Variants in WNT6 observed in about 807,000 individuals in gnomAD.
WNT6 encodes the protein Wnt family member 6, also known as protein Wnt-6.
Under a neutral mutation model 33.1 loss-of-function variants are expected in WNT6, and 27 were observed. That is an observed-to-expected ratio of 0.82 (90% CI 0.60 to 1.12). The LOEUF is 1.12. WNT6 is among the 50% of genes most tolerant of loss of function. The pLI, the probability that WNT6 is intolerant of heterozygous loss-of-function variation, is 0.00. For synonymous variants in WNT6, 249 were observed against 242.8 expected, an observed-to-expected ratio of 1.03 and a Z score of -0.24; for missense variants, 494 against 535.3, an observed-to-expected ratio of 0.92 and a Z score of 0.76.
intron 1 of WNT6, among the ~76,000 whole-genome samples, chr2:218,861,015 T>C (rs898446892): frequency 1.3e-5 from 2 of 152,168 alleles, no homozygotes; most frequent in Non-Finnish European, 2.9e-5. Flanking sequence ...GCTCAGTGTT[T>C]AGAGAGGAGA....
In WNT6 at chr2:218,873,870, C is replaced by G. The variant is rs752487888; in HGVS notation, c.*25C>G. On this transcript the variant is annotated 3_prime_UTR_variant, in exon 4 of 4. Transcript: ENST00000233948. This position sits in a 1 kb window ranked among gnomAD's most constrained non-coding sequence, Gnocchi z 6.1. ...ACCCGCCGCCCGGCCGCTAGACTGA[C>G]TTCGCGCAGCGGTGGCTCGCACCTG... is the stretch of plus-strand genomic sequence containing the variant. The G allele has an allele frequency of 7.0e-7, 1 of 1,426,292 alleles. No individual in the cohort carries two copies. The highest frequency in any genetic ancestry group is 9.1e-7 in the Non-Finnish European group (1 of 1,095,294). The allele number at this position is 1,426,292 out of a possible 1,614,324, so 88.4% of individuals were successfully genotyped here. A position where few individuals can be genotyped will look rare whatever the true frequency, so the allele number is the denominator to read the frequency against.
chr2:218,865,508 TCAC>T (rs1243067499), intron 1 of WNT6, among the ~76,000 whole-genome samples: 1 of 152,172 alleles, frequency 6.6e-6, no homozygotes, highest in Non-Finnish European at 1.5e-5. Flanking sequence ...TCCAATATTT[TCAC>T]TTACATGTGA....
intron 1 of WNT6, among the ~76,000 whole-genome samples, chr2:218,863,052 C>T (rs1365642586): frequency 6.6e-6 from 1 of 152,170 alleles, no homozygotes; most frequent in East Asian, 1.9e-4. Context: ...GCCCAGATCC[C>T]CTTCCCCTGG....
chr2:218,868,407 G>T (rs773774421), intron 1 of WNT6, among the ~76,000 whole-genome samples: 15 of 152,144 alleles, frequency 9.9e-5, no homozygotes, highest in Non-Finnish European at 2.2e-4. Flanking sequence ...GGAAGATAAG[G>T]CCAGGCAACC....
In WNT6 at chr2:218,873,871, T is replaced by A; in HGVS notation, c.*26T>A. On this transcript the variant is annotated 3_prime_UTR_variant, in exon 4 of 4. Transcript: ENST00000233948. This position sits in a 1 kb window ranked among gnomAD's most constrained non-coding sequence, Gnocchi z 6.1. ...CCCGCCGCCCGGCCGCTAGACTGAC[T>A]TCGCGCAGCGGTGGCTCGCACCTGT... is the stretch of plus-strand genomic sequence containing the variant. The A allele has an allele frequency of 8.4e-6, 12 of 1,426,182 alleles. No homozygotes were observed. Among genetic ancestry groups the A allele is most frequent in the Non-Finnish European group, 1.1e-5 (12 of 1,095,090 alleles). The allele number at this position is 1,426,182 out of a possible 1,614,324, so 88.3% of individuals were successfully genotyped here.
rs761039722 is a variant in WNT6 at position 218,871,184 on chromosome 2, T to C, written c.238T>C (p.Phe80Leu). The C allele has an allele frequency of 2.5e-6, 4 of 1,613,594 alleles. No homozygotes were observed. In the South Asian group the frequency reaches 4.4e-5, roughly 18 times the overall value. ...RLGVRECQFQ[F>L]RFRRWNCSSH... ...CGGGGTGCGAGAGTGCCAGTTCCAG[T>C]TCCGCTTCCGCCGCTGGAATTGCTC... Residue 80 changes from phenylalanine (F) to leucine (L), a missense_variant, in exon 2 of 4, where the codon TTC (phenylalanine) becomes CTC (leucine). By Grantham distance (22) the Phe-to-Leu change is conservative. Coordinates refer to ENST00000233948, the MANE Select transcript of WNT6 (RefSeq NM_006522.4). The surrounding 1 kb of genome is among the most constrained non-coding windows in gnomAD (Gnocchi z 6.4).
At chr2:218,869,559 C>T (rs900710741) in intron 1 of WNT6, among the ~76,000 whole-genome samples, 3 of 152,140 alleles carry the variant, frequency 2.0e-5, no homozygotes, top group Admixed American at 1.3e-4. Flanking sequence ...CTCCTGGGAC[C>T]CCTACCCCCA....
Position 218,871,760 on chromosome 2 carries a change from C to G in WNT6, c.577C>G (p.Arg193Gly). 1 of 1,602,762 alleles carries G rather than the reference C, an allele frequency of 6.2e-7. No homozygotes were observed. The highest frequency in any genetic ancestry group is 1.1e-5 in the South Asian group (1 of 90,428). ...SRLFMDARHK[R>G]GRGDIRALVQ... ...GCTCTTTATGGACGCGCGGCACAAG[C>G]GGGGACGCGGAGACATCCGCGCGTT... Residue 193 changes from arginine (R) to glycine (G), a missense_variant, in exon 3 of 4, where the codon CGG (arginine) becomes GGG (glycine). Coordinates refer to ENST00000233948, the MANE Select transcript of WNT6 (RefSeq NM_006522.4). This position sits in a 1 kb window ranked among gnomAD's most constrained non-coding sequence, Gnocchi z 6.4.
intron 1 of WNT6, among the ~76,000 whole-genome samples, chr2:218,860,365 G>A (rs559611913): frequency 2.0e-5 from 3 of 152,306 alleles, no homozygotes; most frequent in African/African-American, 7.2e-5. Flanking sequence ...AGCTCACCAA[G>A]GAACAGGCGA....
intron 1 of WNT6, 152 bp from the exon 2 acceptor site, chr2:218,870,875 G>T (rs142779884): frequency 6.0e-6 from 4 of 667,890 alleles, no homozygotes; most frequent in South Asian, 6.0e-5. Context: ...TAGCAGGAGA[G>T]CCAGACAGGA....
chr2:218,872,707 A>G (rs1266364560), intron 3 of WNT6, among the ~76,000 whole-genome samples: 1 of 152,158 alleles, frequency 6.6e-6, no homozygotes, highest in African/African-American at 2.4e-5. Flanking sequence ...CCTGCTTCAG[A>G]CAGTGACTAG....
At chr2:218,866,010 AG>A (rs1489877642) in intron 1 of WNT6, among the ~76,000 whole-genome samples, 5 of 45,548 alleles carry the variant, frequency 1.1e-4, no homozygotes. Context: ...GGGTGGGGGT[AG>A]GGGCTGGGGG....
chr2:218,860,913 GGAGGGTGCCCGACCGGGACGGCTCA>G (rs1944302419), intron 1 of WNT6, among the ~76,000 whole-genome samples: 1 of 152,058 alleles, frequency 6.6e-6, no homozygotes, highest in Admixed American at 6.5e-5. Context: ...GGGCGGGGAA[GGAGGGTGCCCGACCGGGACGGCTCA>G]GAGATCCAGA....
At position 218,873,663 on chromosome 2, in the gene WNT6, C is replaced by A; in HGVS notation, c.916C>A (p.Arg306Ser). 1.3e-6 allele frequency: 2 copies of A among 1,582,230 alleles called. No homozygotes were observed. Among genetic ancestry groups the A allele is most frequent in the Non-Finnish European group, 1.7e-6 (2 of 1,171,574 alleles). The change falls in exon 4 of 4, where the codon CGC (arginine) becomes AGC (serine). Residue 306 changes from arginine (R) to serine (S), a missense_variant. Physicochemically the swap from Arg to Ser is moderately radical, Grantham distance 110. Transcript: ENST00000233948. This position sits in a 1 kb window ranked among gnomAD's most constrained non-coding sequence, Gnocchi z 6.1. ...CCGACGCACCGGCTCCCCCGGCACGCGCGGTCGCGCCTGCAATAGCAGCGC... is the reference window on the plus strand; with the variant it reads ...CCGACGCACCGGCTCCCCCGGCACGAGCGGTCGCGCCTGCAATAGCAGCGC... ...PNRRTGSPGTRGRACNSSAPD... is the reference protein window; with the variant it reads ...PNRRTGSPGTSGRACNSSAPD...
rs142152012 is a variant in WNT6 at position 218,862,976 on chromosome 2, C to T, written c.80+2859C>T. The stretch of plus-strand genomic sequence containing the variant: ...CACCTTGGCCTCCCAAAGTGCTGGG[C>T]TTACAGGCATGAGCCATTGTGCCTG... On this transcript the variant is annotated intron_variant, in intron 1 of 3. Coordinates refer to ENST00000233948, the MANE Select transcript of WNT6 (RefSeq NM_006522.4). Among the ~76,000 whole-genome samples the T allele has an allele frequency of 2.0e-4, 30 of 152,242 alleles. 1 individual carries two copies. Among genetic ancestry groups the T allele is most frequent in the African/African-American group, 6.7e-4 (28 of 41,548 alleles).
chr2:218,865,768 C>A (rs1440062713), intron 1 of WNT6, among the ~76,000 whole-genome samples: 1 of 152,164 alleles, frequency 6.6e-6, no homozygotes, highest in Non-Finnish European at 1.5e-5. Flanking sequence ...CTCCTGGGGG[C>A]ACCTTTGCCT....
chr2:218,871,332 C>T lies in WNT6; in HGVS notation c.301+85C>T. On this transcript the variant is annotated intron_variant, in intron 2 of 3. Coordinates refer to ENST00000233948, the MANE Select transcript of WNT6 (RefSeq NM_006522.4). This position sits in a 1 kb window ranked among gnomAD's most constrained non-coding sequence, Gnocchi z 6.4. ...GAGGAGAACTGGTTCGCTGAAGTTG[C>T]CTGAGCCCCACTTCCCCCTCACATG... is the stretch of plus-strand genomic sequence containing the variant. 1 of 1,515,312 alleles carries T rather than the reference C, an allele frequency of 6.6e-7. No individual in the cohort carries two copies. The highest frequency in any genetic ancestry group is 9.0e-7 in the Non-Finnish European group (1 of 1,114,748). The allele number at this position is 1,515,312 out of a possible 1,614,324, so 93.9% of individuals were successfully genotyped here.
At position 218,860,119 on chromosome 2, in the gene WNT6, T is replaced by TGAGTCCGGCTGTCCTGGCGCGGC. The variant is rs1219923719; in HGVS notation, c.80+3_80+25dup. 6.6e-7 allele frequency: 1 copy of TGAGTCCGGCTGTCCTGGCGCGGC among 1,520,190 alleles called. No homozygotes were observed. The highest frequency in any genetic ancestry group is 1.4e-5 in the African/African-American group (1 of 71,370). The allele number at this position is 1,520,190 out of a possible 1,614,324, so 94.2% of individuals were successfully genotyped here. Reference sequence around the variant, plus strand: ...GGCGCACGTCGGCGGACTGTGGTGGTGAGTCCGGCTGTCCTGGCGCGGCTC... The same window carrying TGAGTCCGGCTGTCCTGGCGCGGC: ...GGCGCACGTCGGCGGACTGTGGTGGTGAGTCCGGCTGTCCTGGCGCGGCGAGTCCGGCTGTCCTGGCGCGGCTC... On this transcript the variant is annotated splice_region_variant and intron_variant, in intron 1 of 3. Transcript: ENST00000233948.
At chr2:218,866,828 A>C (rs1225555724) in intron 1 of WNT6, among the ~76,000 whole-genome samples, 1 of 152,236 alleles carries the variant, frequency 6.6e-6, no homozygotes, top group African/African-American at 2.4e-5. Flanking sequence ...ATGTCCATGC[A>C]TGAGCTTATT....
Sources: allele counts gnomAD v4.1 joint callset (sites outside exome capture counted in the v4.1 genomes callset), GRCh38; gene constraint gnomAD v4.1.1; non-coding constraint Gnocchi (gnomAD v3.1); transcripts MANE v1.5; gene names NCBI Gene and HGNC (gene_info 2026-07-23, HGNC 2026-07-21).